Variants in SYTL2 observed in about 807,000 individuals in gnomAD.
SYTL2 encodes the protein synaptotagmin-like protein 2.
Under a neutral mutation model 198.7 loss-of-function variants are expected in SYTL2, and 165 were observed. The observed-to-expected ratio is 0.83, with a 90% CI of 0.73 to 0.94. SYTL2 has a LOEUF of 0.94. Ranked by LOEUF, SYTL2 falls within the 40% of genes least tolerant of loss-of-function variation. The pLI, the probability that SYTL2 is intolerant of heterozygous loss-of-function variation, is 0.00. For missense variants in SYTL2, 2,835 were observed against 2,582.8 expected (o/e 1.10, Z -2.12); for synonymous variants, 966 against 917.7 (o/e 1.05, Z -0.95).
At chr11:85,774,211 G>A (rs2092411099) in intron 1 of SYTL2, among the ~76,000 whole-genome samples, 1 of 152,156 alleles carries the variant, frequency 6.6e-6, no homozygotes, top group Non-Finnish European at 1.5e-5. Context: ...AATTAGAGAA[G>A]GAACTGACAT....
intron 12 of SYTL2, 38 bp downstream of exon 12, chr11:85,714,375 T>C: frequency 6.6e-7 from 1 of 1,515,574 alleles, no homozygotes; most frequent in Non-Finnish European, 9.2e-7. Flanking sequence ...TCCAACCCTC[T>C]GTCTCCATTT....
the SYTL2 span, among the ~76,000 whole-genome samples, chr11:85,837,532 A>G: frequency 3.3e-5 from 5 of 152,220 alleles, no homozygotes; most frequent in Non-Finnish European, 7.3e-5. Context: ...CCCTATCAGA[A>G]GAATATACTT....
Position 85,796,582 on chromosome 11 carries a change from A to C in SYTL2, c.-390+14372T>G, listed in dbSNP as rs577322300. ...CACCCAGATCTTACAGTGGGCAATC[A>C]AGAAGGCTTCAACTTTCTCCTGCAG... On this transcript the variant is annotated intron_variant, in intron 1 of 19. Transcript: ENST00000359152. 4.3e-4 allele frequency among the ~76,000 whole-genome samples: 65 copies of C among 152,324 alleles called. 2 individuals carry two copies. In the South Asian group the frequency reaches 0.013, roughly 31 times the overall value.
In SYTL2 at chr11:85,722,008, TA is replaced by T. The variant is rs780365162; in HGVS notation, c.5327-1050del. On this transcript the variant is annotated intron_variant, in intron 8 of 19. Coordinates refer to ENST00000359152, the MANE Select transcript of SYTL2 (RefSeq NM_206927.4). Reference sequence around the variant, plus strand: ...CCCCAAAATTACAGTACCCTTATAGTAGGTTTCTCTTCATTTTTCACCCCAC... The same window carrying T: ...CCCCAAAATTACAGTACCCTTATAGTGGTTTCTCTTCATTTTTCACCCCAC... Among the ~76,000 whole-genome samples the T allele has an allele frequency of 2.0e-5, 3 of 152,140 alleles. No individual in the cohort carries two copies. The East Asian group carries it at 5.8e-4, about 29-fold the overall frequency.
chr11:85,843,516 T>C, the SYTL2 span, among the ~76,000 whole-genome samples: 1 of 151,554 alleles, frequency 6.6e-6, no homozygotes, highest in Non-Finnish European at 1.5e-5. Flanking sequence ...AGATAATGAG[T>C]TTGGGGCATG....
At chr11:85,789,346 A>ATATATATATATATATATATG (rs2092689619) in intron 1 of SYTL2, among the ~76,000 whole-genome samples, 1 of 21,462 alleles carries the variant, frequency 4.7e-5, no homozygotes. Context: ...GTGTGTATAT[A>ATATATATATATATATATATG]TATATATATA....
At chr11:85,810,834 A>G (rs1014299376) in intron 1 of SYTL2, 120 bp downstream of exon 1, 7 of 152,288 alleles carry the variant, frequency 4.6e-5, no homozygotes, top group Non-Finnish European at 7.3e-5. Flanking sequence ...CTAAGGAACA[A>G]CATTCTACAC....
intron 4 of SYTL2, among the ~76,000 whole-genome samples, chr11:85,741,982 G>T (rs1007176598): frequency 1.3e-5 from 2 of 152,114 alleles, no homozygotes; most frequent in Admixed American, 1.3e-4. Flanking sequence ...ATTTTCTTGC[G>T]ATTTTACAGG....
At chr11:85,772,298 C>T (rs1313668714) in intron 1 of SYTL2, among the ~76,000 whole-genome samples, 1 of 152,230 alleles carries the variant, frequency 6.6e-6, no homozygotes, top group East Asian at 1.9e-4. Context: ...AATGCTTTTA[C>T]TTCGCCTATC....
chr11:85,825,216 G>C, the SYTL2 span, among the ~76,000 whole-genome samples: 2 of 151,822 alleles, frequency 1.3e-5, no homozygotes, highest in Non-Finnish European at 2.9e-5. Flanking sequence ...GTGAAACCCC[G>C]TCTCTACTAA....
chr11:85,829,059 T>TTTTTG, the SYTL2 span, among the ~76,000 whole-genome samples: 1 of 149,520 alleles, frequency 6.7e-6, no homozygotes, highest in African/African-American at 2.5e-5. Context: ...GTTTTTTTTT[T>TTTTTG]TTTGTTTGTT....
chr11:85,853,317 G>A, the SYTL2 span: 1 of 445,582 alleles, frequency 2.2e-6, no homozygotes, highest in Non-Finnish European at 4.5e-6. Flanking sequence ...TCTGTACTAG[G>A]AAAGATTCTT....
intron 2 of SYTL2, among the ~76,000 whole-genome samples, chr11:85,749,821 A>G (rs941610850): frequency 6.6e-6 from 1 of 152,210 alleles, no homozygotes; most frequent in Non-Finnish European, 1.5e-5. Flanking sequence ...TTTGAGTTCA[A>G]TTCCAGAATG....
In SYTL2 at chr11:85,770,391, C is replaced by G. The variant is rs146634747; in HGVS notation, c.-389-12277G>C. ...AACATGGCTTCATTCACTCCTGGTT[C>G]TCCCTCATTTCTGTCTACCATACAC... On this transcript the variant is annotated intron_variant, in intron 1 of 19. Transcript: ENST00000359152. 1.1e-3 allele frequency among the ~76,000 whole-genome samples: 170 copies of G among 152,220 alleles called. 2 individuals carry two copies. The East Asian group carries it at 0.027, about 24-fold the overall frequency.
chr11:85,845,705 G>C, the SYTL2 span, among the ~76,000 whole-genome samples: 562 of 152,250 alleles, frequency 3.7e-3, 3 homozygotes, highest in South Asian at 5.8e-3. Context: ...TCAGGAGATC[G>C]AGACCATCCT....
intron 4 of SYTL2, among the ~76,000 whole-genome samples, chr11:85,740,773 G>A (rs1190489616): frequency 6.6e-6 from 1 of 152,232 alleles, no homozygotes; most frequent in Admixed American, 6.5e-5. Context: ...ACTTTGTTAA[G>A]AAGATTATTA....
the SYTL2 span, among the ~76,000 whole-genome samples, chr11:85,817,224 G>A: frequency 6.6e-6 from 1 of 152,144 alleles, no homozygotes; most frequent in Non-Finnish European, 1.5e-5. Context: ...CTAAATTCGT[G>A]TATACCCATT....
intron 1 of SYTL2, among the ~76,000 whole-genome samples, chr11:85,807,602 C>A (rs1386742023): frequency 6.6e-6 from 1 of 152,150 alleles, no homozygotes; most frequent in African/African-American, 2.4e-5. Context: ...GGGGCAATGA[C>A]TTTCTCCAGG....
the SYTL2 span, among the ~76,000 whole-genome samples, chr11:85,840,063 CT>C: frequency 0.01 from 1,533 of 152,220 alleles, 14 homozygotes; most frequent in African/African-American, 0.033. Context: ...TTTTATATGC[CT>C]GTTTGCCATT....
Sources: allele counts gnomAD v4.1 joint callset (sites outside exome capture counted in the v4.1 genomes callset), GRCh38; gene constraint gnomAD v4.1.1; transcripts MANE v1.5; gene names NCBI Gene and HGNC (gene_info 2026-07-23, HGNC 2026-07-21).